The following IGSF5 variants were observed in gnomAD, a reference collection of about 807,000 sequenced individuals.
IGSF5 encodes immunoglobulin superfamily member 5, also known as immunoglobulin superfamily 5 like.
Under a neutral mutation model 39.4 loss-of-function variants are expected in IGSF5, and 41 were observed. That is an observed-to-expected ratio of 1.04 (90% CI 0.81 to 1.35). The LOEUF (loss-of-function observed/expected upper bound fraction) is 1.35. Ranked by LOEUF, IGSF5 falls within the 40% of genes most tolerant of loss-of-function variation. The pLI is 0.00. For synonymous variants in IGSF5, 183 were observed against 175.3 expected, an observed-to-expected ratio of 1.04 and a Z score of -0.34; for missense variants, 487 against 494.6, an observed-to-expected ratio of 0.98 and a Z score of 0.15.
the IGSF5 span, among the ~76,000 whole-genome samples, chr21:39,736,684 T>TG: frequency 6.6e-6 from 1 of 152,258 alleles, no homozygotes; most frequent in Non-Finnish European, 1.5e-5. Context: ...GGGGACCCTG[T>TG]ACTTGCTATG....
the IGSF5 span, among the ~76,000 whole-genome samples, chr21:39,717,855 A>AT: frequency 6.6e-6 from 1 of 152,004 alleles, no homozygotes; most frequent in East Asian, 1.9e-4. Context: ...GTTTTAAAAT[A>AT]TTTTTTTCTA....
At chr21:39,776,092 C>T (rs1260671941) in intron 4 of IGSF5, among the ~76,000 whole-genome samples, 11 of 151,846 alleles carry the variant, frequency 7.2e-5, no homozygotes, top group Admixed American at 3.3e-4. Flanking sequence ...TTTGGTTTGT[C>T]AATAATATAT....
chr21:39,715,073 C>T, the IGSF5 span, among the ~76,000 whole-genome samples: 2 of 151,356 alleles, frequency 1.3e-5, no homozygotes, highest in African/African-American at 2.4e-5. Context: ...TTCTTTCTTT[C>T]TTTTCTTTCT....
At chr21:39,739,820 G>C in the IGSF5 span, among the ~76,000 whole-genome samples, 1 of 152,178 alleles carries the variant, frequency 6.6e-6, no homozygotes, top group Non-Finnish European at 1.5e-5. Flanking sequence ...TTTGAAGAAT[G>C]ATTTGTAGTT....
intron 7 of IGSF5, among the ~76,000 whole-genome samples, 178 bp downstream of exon 7, chr21:39,792,277 G>A (rs1388946237): frequency 1.3e-5 from 2 of 152,106 alleles, no homozygotes; most frequent in Admixed American, 1.3e-4. Flanking sequence ...TAGGTTAACA[G>A]TAAAAATCCA....
intron 2 of IGSF5, among the ~76,000 whole-genome samples, chr21:39,755,927 A>T (rs1602368528): frequency 6.8e-6 from 1 of 148,056 alleles, no homozygotes; most frequent in Non-Finnish European, 1.5e-5. Flanking sequence ...AACATGGTGA[A>T]ACTCCATCTC....
chr21:39,760,755 A>G (rs2080057731), intron 2 of IGSF5, among the ~76,000 whole-genome samples: 1 of 152,128 alleles, frequency 6.6e-6, no homozygotes, highest in South Asian at 2.1e-4. Flanking sequence ...TATTTTGAGT[A>G]GAGACGGGGT....
chr21:39,779,300 A>C lies in IGSF5; in HGVS notation c.929A>C (p.Lys310Thr), dbSNP rs556241853. 104 of 1,611,810 alleles carry C rather than the reference A, an allele frequency of 6.5e-5. No homozygotes were observed. The highest frequency in any genetic ancestry group is 1.0e-4 in the Admixed American group (6 of 59,876). Residue 310 changes from lysine (K) to threonine (T), a missense_variant, in exon 5 of 9, where the codon AAA becomes ACA. Lys to Thr is a moderately conservative substitution (Grantham distance 78). Coordinates refer to ENST00000380588, the MANE Select transcript of IGSF5 (RefSeq NM_001080444.2). ...CCRCCFCCRR[K>T]RGFRIQFQKK... Reference sequence around the variant, plus strand: ...CGTTGTTGTTTCTGCTGTAGAAGAAAAAGAGGTAATTTTTTTGTTCATTTA... The same window carrying C: ...CGTTGTTGTTTCTGCTGTAGAAGAACAAGAGGTAATTTTTTTGTTCATTTA...
chr21:39,741,492 C>T (rs542388579), upstream of IGSF5, among the ~76,000 whole-genome samples: 1 of 152,294 alleles, frequency 6.6e-6, no homozygotes, highest in African/African-American at 2.4e-5. Context: ...AACCTTGTAG[C>T]CACAGGTAGT....
intron 4 of IGSF5, among the ~76,000 whole-genome samples, chr21:39,778,134 G>A (rs1381373610): frequency 6.6e-6 from 1 of 152,212 alleles, no homozygotes; most frequent in Non-Finnish European, 1.5e-5. Context: ...GCGCTAGGGA[G>A]AAGTGAAGGG....
At chr21:39,799,016 G>T (rs1470826793) in intron 8 of IGSF5, among the ~76,000 whole-genome samples, 1 of 152,188 alleles carries the variant, frequency 6.6e-6, no homozygotes, top group Non-Finnish European at 1.5e-5. Context: ...CAGGCACAAT[G>T]GCTGACTTAG....
rs932669936 is a variant in IGSF5 at position 39,745,246 on chromosome 21, G to A, written c.-264G>A. Among the ~76,000 whole-genome samples the A allele has an allele frequency of 3.3e-5, 5 of 151,762 alleles. No homozygotes were observed. Among genetic ancestry groups the A allele is most frequent in the African/African-American group, 9.7e-5 (4 of 41,300 alleles). Reference sequence around the variant, plus strand: ...GGCCCTGGCAAGGGTGGTGGGGAATGGGTCCTGCATAACTGCTCATGTCAA... The same window carrying A: ...GGCCCTGGCAAGGGTGGTGGGGAATAGGTCCTGCATAACTGCTCATGTCAA... On this transcript the variant is annotated 5_prime_UTR_variant, in exon 1 of 9. It removes an upstream start codon present in the reference 5' UTR. Transcript: ENST00000380588.
chr21:39,740,789 G>A (rs2079945191), upstream of IGSF5, among the ~76,000 whole-genome samples: 1 of 152,212 alleles, frequency 6.6e-6, no homozygotes, highest in Admixed American at 6.5e-5. Flanking sequence ...AGCTGCACAA[G>A]TGCACAGTCG....
At chr21:39,768,061 G>A (rs2080095357) in intron 3 of IGSF5, among the ~76,000 whole-genome samples, 2 of 152,144 alleles carry the variant, frequency 1.3e-5, no homozygotes, top group African/African-American at 2.4e-5. Flanking sequence ...TCTGAATCCC[G>A]CTGACTTTTT....
intron 4 of IGSF5, among the ~76,000 whole-genome samples, chr21:39,776,952 A>T (rs188330026): frequency 1.2e-4 from 19 of 152,308 alleles, no homozygotes; most frequent in African/African-American, 4.1e-4. Context: ...TAGGATGACC[A>T]CTGCCATCTT....
intron 2 of IGSF5, among the ~76,000 whole-genome samples, chr21:39,754,398 G>A (rs7275687): frequency 0.82 from 124,269 of 152,118 alleles, 50,942 homozygotes; most frequent in Admixed American, 0.86. Context: ...CTTGCCCCCT[G>A]TTGTTTGTTT....
chr21:39,797,218 CT>C (rs11385437), intron 8 of IGSF5, among the ~76,000 whole-genome samples: 52 of 123,750 alleles, frequency 4.2e-4, no homozygotes, highest in African/African-American at 5.0e-4. Context: ...AGCTCCTTTG[CT>C]TTTTTTTTTT....
At chr21:39,714,384 T>G in the IGSF5 span, among the ~76,000 whole-genome samples, 1 of 152,254 alleles carries the variant, frequency 6.6e-6, no homozygotes, top group Admixed American at 6.5e-5. Context: ...TGTCTTGGCC[T>G]GAAGGCAAAC....
chr21:39,754,290 G>A (rs1472693604), intron 2 of IGSF5, among the ~76,000 whole-genome samples: 1 of 152,174 alleles, frequency 6.6e-6, no homozygotes, highest in African/African-American at 2.4e-5. Flanking sequence ...CAATCATTTT[G>A]TTTAAAGAGG....
Sources: allele counts gnomAD v4.1 joint callset (sites outside exome capture counted in the v4.1 genomes callset), GRCh38; gene constraint gnomAD v4.1.1; transcripts MANE v1.5; gene names NCBI Gene and HGNC (gene_info 2026-07-23, HGNC 2026-07-21).